The following FAIM2 variants were observed in gnomAD, a reference collection of about 807,000 sequenced individuals.
FAIM2 encodes Fas apoptotic inhibitory molecule 2.
A neutral mutation model predicts 47.4 loss-of-function variants in FAIM2; 27 were observed. The ratio of observed to expected loss-of-function variants is 0.57; its 90% CI spans 0.42 to 0.78. The LOEUF (loss-of-function observed/expected upper bound fraction) is 0.78, where lower values mean the gene tolerates loss of function less well. FAIM2 is among the 30% of genes least tolerant of loss of function. The probability of loss-of-function intolerance (pLI) is 0.00; values close to 1 mark genes in which losing one functional copy is unlikely to be tolerated. For missense variants in FAIM2, 311 were observed against 389.4 expected (o/e 0.80, Z 1.69); for synonymous variants, 156 against 159.3 (o/e 0.98, Z 0.16).
chr12:49,879,889 CATGTGTATGT>C (rs1946794380), intron 11 of FAIM2, among the ~76,000 whole-genome samples: 1 of 115,460 alleles, frequency 8.7e-6, no homozygotes, highest in East Asian at 2.8e-4. Context: ...TGTATGTGTG[CATGTGTATGT>C]GCATGTGTAT....
intron 2 of FAIM2, 134 bp from the exon 3 acceptor site, chr12:49,898,224 A>G (rs942117869): frequency 3.3e-6 from 1 of 303,834 alleles, no homozygotes; most frequent in Non-Finnish European, 6.2e-6. Context: ...CTCCTGCCCC[A>G]TTATCAAACA....
Position 49,891,055 on chromosome 12 carries a change from T to C in FAIM2, c.485+9A>G. On this transcript the variant is annotated intron_variant, in intron 6 of 11. Transcript: ENST00000320634. ...TTCCCACAAGTTCCTCCTCAAGCCATTAGCATACCTGGGTCCAGAACAGCA... is the reference window on the plus strand; with the variant it reads ...TTCCCACAAGTTCCTCCTCAAGCCACTAGCATACCTGGGTCCAGAACAGCA... The C allele has an allele frequency of 1.9e-6, 3 of 1,613,826 alleles. No homozygotes were observed. The African/African-American group carries it at 4.0e-5, about 22-fold the overall frequency.
intron 2 of FAIM2, among the ~76,000 whole-genome samples, chr12:49,900,925 G>A (rs1017475387): frequency 6.6e-6 from 1 of 152,112 alleles, no homozygotes; most frequent in Non-Finnish European, 1.5e-5. Context: ...GCACCCTGAT[G>A]CAGACATTGT....
intron 5 of FAIM2, among the ~76,000 whole-genome samples, chr12:49,895,842 T>G (rs1946932810): frequency 6.6e-6 from 1 of 152,180 alleles, no homozygotes; most frequent in African/African-American, 2.4e-5. Flanking sequence ...ACAGCCGCAG[T>G]GTGTAAGCTC....
intron 11 of FAIM2, among the ~76,000 whole-genome samples, chr12:49,872,120 G>T (rs1946707346): frequency 6.6e-6 from 1 of 152,206 alleles, no homozygotes; most frequent in Non-Finnish European, 1.5e-5. Context: ...GACTTGCTAA[G>T]AGCAAAAGAG....
chr12:49,890,580 T>C, intron 7 of FAIM2, 103 bp downstream of exon 7: 1 of 1,088,976 alleles, frequency 9.2e-7, no homozygotes, highest in Non-Finnish European at 1.4e-6. Flanking sequence ...GACCTCACAT[T>C]GGACATCCCC....
At chr12:49,896,783 T>C (rs1946940400) in intron 5 of FAIM2, among the ~76,000 whole-genome samples, 1 of 152,152 alleles carries the variant, frequency 6.6e-6, no homozygotes, top group Non-Finnish European at 1.5e-5. Flanking sequence ...CCCTTCCCAA[T>C]TTGCGCAGGC....
At chr12:49,890,654 C>G in intron 7 of FAIM2, 29 bp downstream of exon 7, 1 of 1,609,332 alleles carries the variant, frequency 6.2e-7, no homozygotes, top group Non-Finnish European at 8.5e-7. Flanking sequence ...CACTCAGCGT[C>G]TGTCCTCAGC....
chr12:49,886,318 G>C (rs2137095452), intron 11 of FAIM2, among the ~76,000 whole-genome samples: 1 of 152,258 alleles, frequency 6.6e-6, no homozygotes, highest in African/African-American at 2.4e-5. Flanking sequence ...CTGGGCATCT[G>C]CTTCCGGCCA....
At chr12:49,886,802 A>G (rs527991095) in intron 11 of FAIM2, among the ~76,000 whole-genome samples, 13 of 152,236 alleles carry the variant, frequency 8.5e-5, no homozygotes, top group African/African-American at 2.6e-4. Flanking sequence ...TTAACAGTAG[A>G]ACCTATCTTA....
intron 11 of FAIM2, among the ~76,000 whole-genome samples, chr12:49,883,034 T>C (rs1946836673): frequency 6.6e-6 from 1 of 152,086 alleles, no homozygotes; most frequent in Non-Finnish European, 1.5e-5. Flanking sequence ...GAGAGGGCTG[T>C]GAGCAGATCC....
Position 49,878,848 on chromosome 12 carries a change from GTGT to G in FAIM2, c.802-8198_802-8196del, listed in dbSNP as rs1475062971. Among the ~76,000 whole-genome samples the G allele has an allele frequency of 1.5e-4, 9 of 59,880 alleles. 1 individual carries two copies. The highest frequency in any genetic ancestry group is 7.2e-4 in the African/African-American group (7 of 9,714). 39.3% of individuals were successfully genotyped at this position (59,880 alleles called of 152,430 possible). Reference sequence around the variant, plus strand: ...TATGTGAGTGTATGTGTGTGCATGTGTGTATGTGTGTGTCTGTGCATGTGAGTG... The same window carrying G: ...TATGTGAGTGTATGTGTGTGCATGTGATGTGTGTGTCTGTGCATGTGAGTG... On this transcript the variant is annotated intron_variant, in intron 11 of 11. Transcript: ENST00000320634.
intron 1 of FAIM2, among the ~76,000 whole-genome samples, chr12:49,903,368 T>C (rs1946994255): frequency 6.6e-6 from 1 of 151,946 alleles, no homozygotes; most frequent in South Asian, 2.1e-4. Context: ...CATAAAGTGG[T>C]TGGGTTTGGG....
intron 11 of FAIM2, among the ~76,000 whole-genome samples, chr12:49,880,507 AG>A (rs1565615037): frequency 2.9e-5 from 1 of 34,766 alleles, no homozygotes; most frequent in African/African-American, 1.0e-4. Flanking sequence ...TGTGTGTATG[AG>A]TGTGTATGTG....
At chr12:49,879,339 TATGTGTGCA>T (rs1255290088) in intron 11 of FAIM2, among the ~76,000 whole-genome samples, 84 of 150,674 alleles carry the variant, frequency 5.6e-4, no homozygotes, top group African/African-American at 4.4e-4. Flanking sequence ...TGTATGTGTT[TATGTGTGCA>T]TGTGAGTGCA....
In FAIM2 at chr12:49,879,290, G is replaced by A. The variant is rs1239543656; in HGVS notation, c.801+8096C>T. Among the ~76,000 whole-genome samples the A allele has an allele frequency of 4.5e-5, 6 of 132,140 alleles. 1 individual carries two copies. Among genetic ancestry groups the A allele is most frequent in the African/African-American group, 1.4e-4 (5 of 34,660 alleles). The allele number at this position is 132,140 out of a possible 152,430, so 86.7% of individuals were successfully genotyped here. A position where few individuals can be genotyped will look rare whatever the true frequency, so the allele number is the denominator to read the frequency against. ...TGCATGTGTATATGTGTGTATGTGT[G>A]TGGGTATGTGTATGCATGTGCATGT... On this transcript the variant is annotated intron_variant, in intron 11 of 11. Transcript: ENST00000320634.
intron 11 of FAIM2, among the ~76,000 whole-genome samples, chr12:49,879,321 TG>T (rs1285610221): frequency 1.6e-4 from 10 of 63,326 alleles, no homozygotes; most frequent in Non-Finnish European, 2.2e-4. Flanking sequence ...CATGTGTATA[TG>T]TGCGTGTGTA....
Position 49,901,145 on chromosome 12 carries a change from C to G in FAIM2, c.196G>C (p.Ala66Pro). 1.9e-6 allele frequency: 3 copies of G among 1,599,650 alleles called. No homozygotes were observed. The highest frequency in any genetic ancestry group is 2.6e-6 in the Non-Finnish European group (3 of 1,174,724). Residue 66 changes from alanine to proline, a missense_variant, in exon 2 of 12, where the codon GCC (alanine) becomes CCC (proline). Coordinates refer to ENST00000320634, the MANE Select transcript of FAIM2 (RefSeq NM_012306.4). ...AAAGACTTACTGGGGTCCACATAGG[C>G]CCAGCTAGGGTGGAGAGGCACCGCT... ...PTAVPLHPSW[A>P]YVDPSSSSSY...
At chr12:49,878,658 G>C (rs111200378) in intron 11 of FAIM2, among the ~76,000 whole-genome samples, 3 of 126,174 alleles carry the variant, frequency 2.4e-5, no homozygotes, top group East Asian at 2.7e-4. Context: ...ATGTGCGCTT[G>C]TATGTGCATG....
Sources: gnomAD v4.1 joint callset for allele counts (sites outside exome capture counted in the v4.1 genomes callset) on GRCh38, gnomAD v4.1.1 for gene constraint, MANE v1.5 for transcripts, NCBI Gene and HGNC (gene_info 2026-07-23, HGNC 2026-07-21) for gene names.